The following PKIB variants were observed in gnomAD, a reference collection of about 807,000 sequenced individuals.
PKIB encodes the protein cAMP-dependent protein kinase inhibitor beta, also known as PKI-beta.
A neutral mutation model predicts 4.5 loss-of-function variants in PKIB; 2 were observed. The ratio of observed to expected loss-of-function variants is 0.44; its 90% CI spans 0.18 to 1.39. PKIB has a LOEUF of 1.39. Among genes scored for constraint, PKIB ranks in the 40% most tolerant of loss-of-function variants. The pLI, the probability that PKIB is intolerant of heterozygous loss-of-function variation, is 0.27. For synonymous variants in PKIB, 38 were observed against 36.0 expected (o/e 1.06, Z -0.20); for missense variants, 94 against 92.6 (o/e 1.02, Z -0.06).
chr6:122,692,287 T>A (rs1463948774), intron 3 of PKIB, among the ~76,000 whole-genome samples: 1 of 152,196 alleles, frequency 6.6e-6, no homozygotes, highest in Admixed American at 6.5e-5. Flanking sequence ...GGCAGTGAAT[T>A]CCCTGGCACA....
intron 1 of PKIB, among the ~76,000 whole-genome samples, chr6:122,613,959 CAAAAAAAA>C (rs67112737): frequency 2.6e-5 from 2 of 77,406 alleles, no homozygotes; most frequent in Admixed American, 3.2e-4. Flanking sequence ...GAGACTCCAT[CAAAAAAAA>C]AAAAAAAAAA....
At chr6:122,679,891 T>G (rs1253548274) in intron 3 of PKIB, among the ~76,000 whole-genome samples, 1 of 152,190 alleles carries the variant, frequency 6.6e-6, no homozygotes, top group African/African-American at 2.4e-5. Flanking sequence ...CTTCGAGAGC[T>G]TAAGTGCCTT....
At chr6:122,497,954 C>G (rs916190106) in intron 2 of PKIB, among the ~76,000 whole-genome samples, 1 of 152,126 alleles carries the variant, frequency 6.6e-6, no homozygotes, top group Admixed American at 6.5e-5. Context: ...CAGATCGACC[C>G]CATGCTCAGC....
At chr6:122,649,981 A>G (rs546398889) in intron 2 of PKIB, among the ~76,000 whole-genome samples, 1 of 152,298 alleles carries the variant, frequency 6.6e-6, no homozygotes, top group South Asian at 2.1e-4. Flanking sequence ...TGGACTTGTT[A>G]TAGAGCCTTC....
intron 2 of PKIB, among the ~76,000 whole-genome samples, chr6:122,550,486 G>T (rs2114653950): frequency 6.6e-6 from 1 of 152,090 alleles, no homozygotes; most frequent in African/African-American, 2.4e-5. Flanking sequence ...TAACATCAAT[G>T]ATAGCCTTGC....
At chr6:122,518,877 AT>A (rs1776844858) in intron 2 of PKIB, among the ~76,000 whole-genome samples, 2 of 152,220 alleles carry the variant, frequency 1.3e-5, no homozygotes, top group Admixed American at 6.5e-5. Context: ...AAAATTGGTC[AT>A]TCAGACGCAG....
At chr6:122,507,651 G>A (rs1400639189) in intron 2 of PKIB, among the ~76,000 whole-genome samples, 1 of 151,252 alleles carries the variant, frequency 6.6e-6, no homozygotes, top group Non-Finnish European at 1.5e-5. Flanking sequence ...GGGCGGGGGT[G>A]GAAATCTTGG....
intron 3 of PKIB, among the ~76,000 whole-genome samples, chr6:122,715,094 A>T (rs1049419601): frequency 6.6e-6 from 1 of 151,984 alleles, no homozygotes; most frequent in Non-Finnish European, 1.5e-5. Flanking sequence ...CAAAAAAAAA[A>T]ATATTTAAAA....
At position 122,508,371 on chromosome 6, in the gene PKIB, G is replaced by A. The variant is rs184470160; in HGVS notation, c.-248+30432G>A. Among the ~76,000 whole-genome samples the A allele has an allele frequency of 3.6e-3, 555 of 152,272 alleles. 4 individuals are homozygous for A. The highest frequency in any genetic ancestry group is 0.012 in the African/African-American group (511 of 41,556). ...AGGGTTAACACCAGTTTTTTGATGC[G>A]GTAGTTGTAGTACCTGGCACTGAGG... On this transcript the variant is annotated intron_variant, in intron 2 of 6. Coordinates refer to the PKIB transcript ENST00000392491.
chr6:122,677,842 TCTTCCTTCCTTCCTTCCTTCCTTCCTTC>T (rs66707245), intron 3 of PKIB, among the ~76,000 whole-genome samples: 2 of 141,222 alleles, frequency 1.4e-5, no homozygotes, highest in Non-Finnish European at 3.1e-5. Context: ...AGCTTTCTTT[TCTTCCTTCCTTCCTTCCTTCCTTCCTTC>T]CTTCCTTCCT....
At chr6:122,692,389 T>C (rs1013938284) in intron 3 of PKIB, among the ~76,000 whole-genome samples, 1 of 152,210 alleles carries the variant, frequency 6.6e-6, no homozygotes, top group Non-Finnish European at 1.5e-5. Flanking sequence ...ACAGCTAAGC[T>C]GGCACTCAGA....
At chr6:122,626,952 C>T (rs1775470583) in intron 1 of PKIB, among the ~76,000 whole-genome samples, 1 of 151,452 alleles carries the variant, frequency 6.6e-6, no homozygotes, top group African/African-American at 2.4e-5. Context: ...ACAATCATCT[C>T]GGCCGGGCGC....
chr6:122,690,932 A>ATTTT (rs1210629019), intron 3 of PKIB, among the ~76,000 whole-genome samples: 1 of 138,784 alleles, frequency 7.2e-6, no homozygotes, highest in African/African-American at 2.7e-5. Context: ...ATATATATAT[A>ATTTT]TTTTTTTTTT....
At chr6:122,673,172 T>TAA (rs5879655) in intron 2 of PKIB, among the ~76,000 whole-genome samples, 13 of 151,640 alleles carry the variant, frequency 8.6e-5, no homozygotes, top group East Asian at 1.9e-4. Flanking sequence ...TGGATTTCTG[T>TAA]AAAAAAAATT....
At chr6:122,567,431 G>A (rs921972776) in intron 2 of PKIB, among the ~76,000 whole-genome samples, 2 of 152,120 alleles carry the variant, frequency 1.3e-5, no homozygotes, top group African/African-American at 4.8e-5. Flanking sequence ...CTATTCCCCA[G>A]TCCTTTGCCA....
intron 3 of PKIB, among the ~76,000 whole-genome samples, chr6:122,598,868 A>C (rs545083065): frequency 1.3e-5 from 2 of 152,280 alleles, no homozygotes; most frequent in African/African-American, 4.8e-5. Flanking sequence ...TAGTGGGCCC[A>C]AATCAATAAA....
rs141194523 is a variant in PKIB, at chr6:122,675,941, G to C, written c.-9+797G>C. Among the ~76,000 whole-genome samples, 217 of 151,986 alleles carry C rather than the reference G, an allele frequency of 1.4e-3. 5 individuals carry two copies. In the East Asian group the frequency reaches 0.037, roughly 26 times the overall value. ...AGTCCCTGACCATTTTTGGCACCAG[G>C]GACTGGTTTCATGGAAGACAATTTT... On this transcript the variant is annotated intron_variant, in intron 3 of 4. Transcript: ENST00000368452.
At chr6:122,568,294 C>G (rs1204925631) in intron 2 of PKIB, among the ~76,000 whole-genome samples, 17 of 152,022 alleles carry the variant, frequency 1.1e-4, no homozygotes, top group Non-Finnish European at 2.5e-4. Context: ...TTCCAAGAAC[C>G]AGTGCAGGAA....
At chr6:122,682,137 CT>C (rs879784612) in intron 3 of PKIB, among the ~76,000 whole-genome samples, 234 of 146,078 alleles carry the variant, frequency 1.6e-3, no homozygotes, top group African/African-American at 1.7e-3. Flanking sequence ...TAAACACTAA[CT>C]TTTTTTTTTT....
Sources: gnomAD v4.1 joint callset for allele counts (sites outside exome capture counted in the v4.1 genomes callset) on GRCh38, gnomAD v4.1.1 for gene constraint, MANE v1.5 for transcripts, NCBI Gene and HGNC (gene_info 2026-07-23, HGNC 2026-07-21) for gene names.